The following GNAO1 variants were observed in gnomAD, a reference collection of about 807,000 sequenced individuals.
GNAO1 encodes G protein subunit alpha o1.
For missense variants in GNAO1, 166 were observed against 478.7 expected (o/e 0.35, Z 6.10); for synonymous variants, 164 against 180.7 (o/e 0.91, Z 0.74).
At chr16:56,197,693 T>A (rs2036246316) in intron 2 of GNAO1, among the ~76,000 whole-genome samples, 1 of 152,192 alleles carries the variant, frequency 6.6e-6, no homozygotes, top group African/African-American at 2.4e-5. Flanking sequence ...AGGGCTGGAT[T>A]AGATTTACGA....
Position 56,345,688 on chromosome 16 carries a change from C to T in GNAO1, c.724-5696C>T, listed in dbSNP as rs367929553. Reference sequence around the variant, plus strand: ...TGCTGGGACGTGGCAGAGGACAGGCCCTGGGAACCAACAGTGTCCTACCAT... The same window carrying T: ...TGCTGGGACGTGGCAGAGGACAGGCTCTGGGAACCAACAGTGTCCTACCAT... On this transcript the variant is annotated intron_variant, in intron 6 of 8. Transcript: ENST00000262493. 1.3e-4 allele frequency: 128 copies of T among 985,512 alleles called. No homozygotes were observed. The East Asian group carries it at 3.4e-3, about 26-fold the overall frequency. The allele number at this position is 985,512 out of a possible 1,614,324, so 61.0% of individuals were successfully genotyped here.
At chr16:56,348,128 T>G in intron 6 of GNAO1, 1 of 965,030 alleles carries the variant, frequency 1.0e-6, no homozygotes. Flanking sequence ...CTCTAGTTAT[T>G]GTAATAATTT....
At chr16:56,336,038 G>T (rs953457704) in intron 5 of GNAO1, among the ~76,000 whole-genome samples, 1 of 152,174 alleles carries the variant, frequency 6.6e-6, no homozygotes, top group African/African-American at 2.4e-5. Context: ...AGGACTCCTC[G>T]CTCTGGGGAT....
rs1406735049 is a variant in GNAO1, at chr16:56,354,369, G to GT, written c.878-493dup. Among the ~76,000 whole-genome samples, 2 of 149,012 alleles carry GT rather than the reference G, an allele frequency of 1.3e-5. No homozygotes were observed. The highest frequency in any genetic ancestry group is 6.7e-5 in the Admixed American group (1 of 14,992). On this transcript the variant is annotated intron_variant, in intron 7 of 8. Coordinates refer to ENST00000262493, the MANE Select transcript of GNAO1 (RefSeq NM_020988.3). This position sits in a 1 kb window ranked among gnomAD's most constrained non-coding sequence, Gnocchi z 4.3. ...TGCAAAAGTAATTGCAGTAATTGCA[G>GT]TTTTGCTATCAAAAGTAATGGCAAG... is the stretch of plus-strand genomic sequence containing the variant.
At chr16:56,344,135 A>AGGGGC (rs1359834652) in intron 6 of GNAO1, 3 of 1,443,098 alleles carry the variant, frequency 2.1e-6, no homozygotes, top group East Asian at 2.5e-5. Context: ...GTGGTAACGC[A>AGGGGC]GGGGCGGGGC....
At chr16:56,271,067 A>G (rs1596833571) in intron 2 of GNAO1, 1 of 152,090 alleles carries the variant, frequency 6.6e-6, no homozygotes, top group South Asian at 2.1e-4. Context: ...TGTATCTCCA[A>G]CTCCAACCCA....
intron 2 of GNAO1, chr16:56,193,792 G>C: frequency 3.2e-6 from 1 of 307,976 alleles, no homozygotes; most frequent in South Asian, 2.9e-5. Context: ...TGGCCTGTCA[G>C]TTCGAGACGG....
intron 2 of GNAO1, among the ~76,000 whole-genome samples, chr16:56,228,794 C>T (rs1200246035): frequency 6.6e-6 from 1 of 152,208 alleles, no homozygotes; most frequent in Non-Finnish European, 1.5e-5. Context: ...ACTTTAAGAC[C>T]ACCCTATGTA....
intron 3 of GNAO1, among the ~76,000 whole-genome samples, chr16:56,294,898 T>C (rs1181849807): frequency 8.3e-6 from 1 of 120,892 alleles, no homozygotes; most frequent in Non-Finnish European, 1.9e-5. Flanking sequence ...TTTTGGGCCA[T>C]GCGTATATCT....
chr16:56,321,440 A>G (rs1472457116), intron 3 of GNAO1, among the ~76,000 whole-genome samples: 2 of 152,120 alleles, frequency 1.3e-5, no homozygotes, highest in African/African-American at 2.4e-5. Context: ...CTCTTTCCTA[A>G]TAGCTGCTAC....
chr16:56,340,638 C>A, intron 6 of GNAO1: 1 of 623,290 alleles, frequency 1.6e-6, no homozygotes, highest in African/African-American at 1.8e-5. Context: ...GCCCTGCCTG[C>A]GTGTGGAATG....
At chr16:56,248,093 G>A (rs1219382364) in intron 2 of GNAO1, among the ~76,000 whole-genome samples, 1 of 152,140 alleles carries the variant, frequency 6.6e-6, no homozygotes, top group African/African-American at 2.4e-5. Flanking sequence ...AACCCAAACT[G>A]ATTTTCTTTA....
chr16:56,243,422 T>G (rs1285672925), intron 2 of GNAO1, among the ~76,000 whole-genome samples: 2 of 152,226 alleles, frequency 1.3e-5, no homozygotes, highest in Non-Finnish European at 2.9e-5. Context: ...AACTCATATG[T>G]CTGATCAGGG....
intron 6 of GNAO1, chr16:56,344,912 G>A: frequency 1.0e-6 from 1 of 985,470 alleles, no homozygotes; most frequent in Non-Finnish European, 1.2e-6. Flanking sequence ...TGCAGCCAGT[G>A]CCTCCGCCTC....
intron 2 of GNAO1, among the ~76,000 whole-genome samples, chr16:56,237,018 A>G (rs1243884161): frequency 7.2e-5 from 11 of 152,244 alleles, no homozygotes; most frequent in Non-Finnish European, 1.3e-4. Context: ...TAGAATTATA[A>G]TAGAACTTAG....
chr16:56,213,458 C>T (rs2143339267), intron 2 of GNAO1: 2 of 396,878 alleles, frequency 5.0e-6, no homozygotes, highest in Non-Finnish European at 4.4e-6. Flanking sequence ...AAGAATAAAG[C>T]AGGCAAGGGG....
intron 2 of GNAO1, among the ~76,000 whole-genome samples, chr16:56,232,664 C>G (rs1406674939): frequency 1.3e-5 from 2 of 152,132 alleles, no homozygotes; most frequent in African/African-American, 4.8e-5. Context: ...CCCAACAGAC[C>G]ACTCACACAA....
chr16:56,214,802 C>CT lies in GNAO1; in HGVS notation c.161+22188dup, dbSNP rs1407602402. On this transcript the variant is annotated intron_variant, in intron 2 of 8. Coordinates refer to ENST00000262493, the MANE Select transcript of GNAO1 (RefSeq NM_020988.3). ...CCACAATTCTCACTTCTTCCCAACA[C>CT]TTGCGTACCGGGTGTTTCTGTCCCA... Among the ~76,000 whole-genome samples, 3 of 152,256 alleles carry CT rather than the reference C, an allele frequency of 2.0e-5. No individual in the cohort carries two copies. In the East Asian group the frequency reaches 5.8e-4, roughly 29 times the overall value.
Position 56,300,374 on chromosome 16 carries a change from A to G in GNAO1, c.303+24302A>G, listed in dbSNP as rs917462625. On this transcript the variant is annotated intron_variant, in intron 3 of 8. Coordinates refer to ENST00000262493, the MANE Select transcript of GNAO1 (RefSeq NM_020988.3). ...AGTGGCTTCTCTCAGTCAAAGTGGT[A>G]CCAGCTGGCCCCTGGCTGCAGCTCA... Among the ~76,000 whole-genome samples, 3 of 152,306 alleles carry G rather than the reference A, an allele frequency of 2.0e-5. 1 individual carries two copies. The Middle Eastern group carries it at 0.01, about 518-fold the overall frequency.
Sources: gnomAD v4.1 joint callset for allele counts (sites outside exome capture counted in the v4.1 genomes callset) on GRCh38, gnomAD v4.1.1 for gene constraint, Gnocchi (gnomAD v3.1) non-coding constraint, MANE v1.5 for transcripts, NCBI Gene and HGNC (gene_info 2026-07-23, HGNC 2026-07-21) for gene names.